The following NDEL1 variants were observed in gnomAD, a reference collection of about 807,000 sequenced individuals.
NDEL1 encodes the protein nudE neurodevelopment protein 1 like 1.
NDEL1 carries 9 observed loss-of-function variants against 45.7 expected under a neutral mutation model. The ratio of observed to expected loss-of-function variants is 0.20; its 90% confidence interval spans 0.12 to 0.34. The LOEUF (loss-of-function observed/expected upper bound fraction) is 0.34. Among genes scored for constraint, NDEL1 ranks in the 10% least tolerant of loss-of-function variants. The pLI is 1.00. For synonymous variants in NDEL1, 133 were observed against 158.6 expected, an observed-to-expected ratio of 0.84 and a Z score of 1.21; for missense variants, 306 against 406.2, an observed-to-expected ratio of 0.75 and a Z score of 2.12.
chr17:8,418,985 A>C (rs1242520640), intron 1 of NDEL1, among the ~76,000 whole-genome samples: 4 of 151,852 alleles, frequency 2.6e-5, no homozygotes, highest in African/African-American at 9.7e-5. Context: ...AGTAGCTGAG[A>C]CTATAAGCAC....
At chr17:8,444,605 C>A (rs908241083) in intron 2 of NDEL1, 23 of 391,018 alleles carry the variant, frequency 5.9e-5, no homozygotes, top group Non-Finnish European at 9.7e-5. Flanking sequence ...CTGATTGTTA[C>A]CTGTTCTATG....
chr17:8,471,207 A>G (rs1036280244), downstream of NDEL1, among the ~76,000 whole-genome samples: 2 of 152,114 alleles, frequency 1.3e-5, no homozygotes, highest in South Asian at 2.1e-4. Context: ...CTGGAGTGCA[A>G]TGGCGTGATC....
At chr17:8,464,566 C>G (rs1425352022) in intron 8 of NDEL1, 1 of 152,216 alleles carries the variant, frequency 6.6e-6, no homozygotes, top group Non-Finnish European at 1.5e-5. Context: ...TGTTCCCTCT[C>G]TACTCCACCC....
At chr17:8,417,785 G>A (rs1908588496) in intron 1 of NDEL1, among the ~76,000 whole-genome samples, 1 of 152,150 alleles carries the variant, frequency 6.6e-6, no homozygotes, top group Non-Finnish European at 1.5e-5. Flanking sequence ...CCTTTATGTA[G>A]TGACTTAACC....
At chr17:8,413,437 G>A (rs1231554138) in intron 1 of NDEL1, among the ~76,000 whole-genome samples, 1 of 152,228 alleles carries the variant, frequency 6.6e-6, no homozygotes. Context: ...TGTCCCTGTG[G>A]CATGAGGGTT....
chr17:8,458,548 CTGTGTGTG>C (rs112741158), intron 7 of NDEL1, among the ~76,000 whole-genome samples: 1 of 150,044 alleles, frequency 6.7e-6, no homozygotes, highest in Admixed American at 6.6e-5. Flanking sequence ...TCAATTTCTA[CTGTGTGTG>C]TGTGTGTGTG....
intron 6 of NDEL1, among the ~76,000 whole-genome samples, chr17:8,452,740 C>CTTTTTTTTTTTTTTTTTTTTTTCTTTT: frequency 4.9e-4 from 47 of 95,580 alleles, no homozygotes; most frequent in Non-Finnish European, 6.4e-4. Context: ...TTTTTCTTCT[C>CTTTTTTTTTTTTTTTTTTTTTTCTTTT]TTTTTTTTTT....
Sources: allele counts gnomAD v4.1 joint callset (sites outside exome capture counted in the v4.1 genomes callset), GRCh38; gene constraint gnomAD v4.1.1; transcripts MANE v1.5; gene names NCBI Gene and HGNC (gene_info 2026-07-23, HGNC 2026-07-21).